Variants in HECW2 observed in about 807,000 individuals in gnomAD.
HECW2 encodes the protein HECT, C2 and WW domain containing E3 ubiquitin protein ligase 2, also known as E3 ubiquitin-protein ligase HECW2.
HECW2 carries 61 observed loss-of-function variants against 175.2 expected under a neutral mutation model. That is an observed-to-expected ratio of 0.35 (90% CI 0.28 to 0.43). The LOEUF is 0.43. Among genes scored for constraint, HECW2 ranks in the 20% least tolerant of loss-of-function variants. HECW2 has a pLI of 1.00. For synonymous variants in HECW2, 671 were observed against 731.0 expected (o/e 0.92, Z 1.32); for missense variants, 1,524 against 2,000.5 (o/e 0.76, Z 4.54).
chr2:196,274,150 C>T (rs60630703), intron 15 of HECW2, 27 bp from the exon 16 acceptor site: 2 of 1,548,270 alleles, frequency 1.3e-6, no homozygotes, highest in Non-Finnish European at 1.8e-6. Context: ...CATTTATGTT[C>T]TGCACCAAGA....
At chr2:196,333,356 C>T (rs934508195) in intron 4 of HECW2, among the ~76,000 whole-genome samples, 3 of 152,028 alleles carry the variant, frequency 2.0e-5, no homozygotes, top group African/African-American at 2.4e-5. Flanking sequence ...GAGGGAAAGA[C>T]TGCTTGATAC....
chr2:196,449,382 T>A (rs1004806780), intron 1 of HECW2, among the ~76,000 whole-genome samples: 1 of 152,206 alleles, frequency 6.6e-6, no homozygotes, highest in Non-Finnish European at 1.5e-5. Context: ...TGAGAAGGTA[T>A]AAATGAAGCA....
At position 196,325,047 on chromosome 2, in the gene HECW2, G is replaced by A. The variant is rs767506318; in HGVS notation, c.674C>T (p.Ala225Val). 31 of 1,612,078 alleles carry A rather than the reference G, an allele frequency of 1.9e-5. No homozygotes were observed. Among genetic ancestry groups the A allele is most frequent in the Non-Finnish European group, 2.5e-5 (30 of 1,179,312 alleles). The stretch of plus-strand genomic sequence containing the variant: ...AGACCGTCTCTCCTGCCCGTGGTGG[G>A]CACAGGTGGGGAAACTGCTCTTCTT... ...PGKKSSFPTC[A>V]HHGQERRSTI... The change falls in exon 6 of 29, where the codon GCC becomes GTC. Residue 225 changes from alanine to valine, a missense_variant. Transcript: ENST00000644978.
At chr2:196,583,130 T>C (rs1019447913) in intron 1 of HECW2, among the ~76,000 whole-genome samples, 7 of 152,236 alleles carry the variant, frequency 4.6e-5, no homozygotes, top group Non-Finnish European at 1.0e-4. Flanking sequence ...CCTCTACTTA[T>C]GACAACCTCT....
At position 196,433,305 on chromosome 2, in the gene HECW2, T is replaced by G. The variant is rs764097714; in HGVS notation, c.119A>C (p.Asn40Thr). Residue 40 changes from asparagine (N) to threonine (T), a missense_variant, in exon 2 of 29, where the codon AAC becomes ACC. Asn to Thr is a moderately conservative substitution (Grantham distance 65). Around this residue, in one of 11 missense-constraint regions of HECW2, gnomAD observed 135 missense variants for 214.6 expected, o/e 0.63. Transcript: ENST00000644978. The part of the protein sequence containing the change: ...SLAAQSSMPE[N>T]MTLQRANSDT... ...GCTGTTGGCCCGCTGCAGGGTCATGTTCTCTGGCATGGAGCTCTGGGCGGC... is the reference window on the plus strand; with the variant it reads ...GCTGTTGGCCCGCTGCAGGGTCATGGTCTCTGGCATGGAGCTCTGGGCGGC... The G allele has an allele frequency of 1.3e-5, 21 of 1,614,044 alleles. No homozygotes were observed. Among genetic ancestry groups the G allele is most frequent in the Non-Finnish European group, 1.5e-5 (18 of 1,180,026 alleles).
At chr2:196,546,314 G>A (rs142239928) in intron 1 of HECW2, among the ~76,000 whole-genome samples, 1 of 152,278 alleles carries the variant, frequency 6.6e-6, no homozygotes, top group Non-Finnish European at 1.5e-5. Context: ...GTCATCACTT[G>A]TTTACACGTC....
chr2:196,399,359 T>C (rs757638944), intron 2 of HECW2, among the ~76,000 whole-genome samples: 26 of 152,234 alleles, frequency 1.7e-4, no homozygotes, highest in Non-Finnish European at 3.1e-4. Flanking sequence ...CTTCAAGTCA[T>C]TTCCCCCTGG....
chr2:196,225,176 A>G (rs1437700247), intron 23 of HECW2, among the ~76,000 whole-genome samples: 2 of 152,252 alleles, frequency 1.3e-5, no homozygotes, highest in African/African-American at 2.4e-5. Context: ...AATAACTGCA[A>G]TCTTTCATTA....
chr2:196,300,075 T>C (rs745872772), intron 13 of HECW2, among the ~76,000 whole-genome samples: 3 of 152,162 alleles, frequency 2.0e-5, no homozygotes, highest in Non-Finnish European at 2.9e-5. Flanking sequence ...CATGATGTCA[T>C]TGGTGGTTTG....
intron 1 of HECW2, among the ~76,000 whole-genome samples, chr2:196,501,073 G>A (rs114317666): frequency 1.3e-3 from 196 of 152,312 alleles, no homozygotes; most frequent in African/African-American, 4.4e-3. Context: ...GAATTTTCAT[G>A]TAATAAGTAG....
intron 14 of HECW2, among the ~76,000 whole-genome samples, chr2:196,280,528 C>T (rs913680186): frequency 2.0e-5 from 3 of 152,182 alleles, no homozygotes; most frequent in Non-Finnish European, 4.4e-5. Flanking sequence ...GAACAGGAAT[C>T]TTTCCCAGTC....
chr2:196,201,516 A>G lies in HECW2; in HGVS notation c.4608-128T>C, dbSNP rs927916243. The G allele has an allele frequency of 5.8e-6, 3 of 517,494 alleles. No individual in the cohort carries two copies. The East Asian group carries it at 9.1e-5, about 16-fold the overall frequency. 32.1% of individuals were successfully genotyped at this position (517,494 alleles called of 1,614,324 possible). ...TCACATTCAAATTTATTTGTTGCCA[A>G]TTTTCACACTCCTTTTGAAAAATCT... On this transcript the variant is annotated intron_variant, in intron 28 of 28. Transcript: ENST00000644978.
At position 196,273,212 on chromosome 2, in the gene HECW2, T is replaced by C. The variant is rs181810651; in HGVS notation, c.3238+809A>G. Among the ~76,000 whole-genome samples, 6 of 152,010 alleles carry C rather than the reference T, an allele frequency of 3.9e-5. No individual in the cohort carries two copies. The East Asian group carries it at 7.7e-4, about 20-fold the overall frequency. ...CCTCCAGAGTAACTGGGCCTACAGG[T>C]GCGTGCCACCATGCCTGGCTAATTT... On this transcript the variant is annotated intron_variant, in intron 16 of 28. Transcript: ENST00000644978.
intron 1 of HECW2, among the ~76,000 whole-genome samples, chr2:196,445,069 A>G (rs1314555181): frequency 6.6e-6 from 1 of 152,220 alleles, no homozygotes; most frequent in Non-Finnish European, 1.5e-5. Context: ...AGAAGGCAAC[A>G]TTCCTATATG....
intron 2 of HECW2, among the ~76,000 whole-genome samples, chr2:196,432,756 C>T (rs1248415053): frequency 6.6e-6 from 1 of 152,178 alleles, no homozygotes; most frequent in African/African-American, 2.4e-5. Context: ...CTACACGTCT[C>T]TTTCATCAGT....
intron 1 of HECW2, among the ~76,000 whole-genome samples, chr2:196,579,633 T>A (rs1690695467): frequency 6.6e-6 from 1 of 152,158 alleles, no homozygotes; most frequent in Admixed American, 6.6e-5. Context: ...TATATTGAAG[T>A]ACTAACCCCA....
At chr2:196,233,698 T>C (rs4850388) in intron 21 of HECW2, among the ~76,000 whole-genome samples, 148,381 of 152,302 alleles carry the variant, frequency 0.97, 72,412 homozygotes, top group East Asian at 1. Context: ...TACAGAAGCA[T>C]CCTTCTTTAG....
intron 13 of HECW2, among the ~76,000 whole-genome samples, chr2:196,305,982 G>C: frequency 6.6e-6 from 1 of 152,124 alleles, no homozygotes; most frequent in Middle Eastern, 3.2e-3. Flanking sequence ...TTATGGGTCC[G>C]ATGTTTGTGT....
At chr2:196,379,575 C>A (rs1694146582) in intron 2 of HECW2, among the ~76,000 whole-genome samples, 1 of 151,482 alleles carries the variant, frequency 6.6e-6, no homozygotes, top group Non-Finnish European at 1.5e-5. Flanking sequence ...GTCCCAGCTA[C>A]TCAGGAGGCT....
Sources: gnomAD v4.1 joint callset for allele counts (sites outside exome capture counted in the v4.1 genomes callset) on GRCh38, gnomAD v4.1.1 for gene constraint, gnomAD v4.1.1 regional missense constraint, MANE v1.5 for transcripts, NCBI Gene and HGNC (gene_info 2026-07-23, HGNC 2026-07-21) for gene names.